ARID2: variants seen among roughly 807,000 people sequenced by gnomAD.
ARID2 encodes the protein AT-rich interaction domain 2.
ARID2 carries 32 observed loss-of-function variants against 184.6 expected under a neutral mutation model. The ratio of observed to expected loss-of-function variants is 0.17; its 90% CI spans 0.13 to 0.23. The LOEUF (loss-of-function observed/expected upper bound fraction) is 0.23, where lower values mean the gene tolerates loss of function less well. Among genes scored for constraint, ARID2 ranks in the 10% least tolerant of loss-of-function variants. The pLI is 1.00. For synonymous variants in ARID2, 836 were observed against 772.6 expected (o/e 1.08, Z -1.36); for missense variants, 1,696 against 2,197.6 (o/e 0.77, Z 4.56).
intron 20 of ARID2, among the ~76,000 whole-genome samples, chr12:45,899,661 A>ATATATGGT (rs1944423691): frequency 1.2e-5 from 1 of 84,164 alleles, no homozygotes; most frequent in Non-Finnish European, 2.6e-5. Context: ...GGTTATATAT[A>ATATATGGT]TATATATGGT....
intron 6 of ARID2, among the ~76,000 whole-genome samples, chr12:45,830,452 A>G (rs939870608): frequency 9.2e-5 from 14 of 152,072 alleles, no homozygotes; most frequent in Non-Finnish European, 1.3e-4. Context: ...ACCCAAAACT[A>G]CGGTAGAGAC....
chr12:45,772,954 T>C (rs1941904798), intron 3 of ARID2, among the ~76,000 whole-genome samples: 1 of 152,170 alleles, frequency 6.6e-6, no homozygotes, highest in South Asian at 2.1e-4. Flanking sequence ...AGTAGCAGAA[T>C]ATGGATTTTT....
Position 45,851,764 on chromosome 12 carries a change from T to G in ARID2, c.3641T>G (p.Val1214Gly), listed in dbSNP as rs1943554658. 1.2e-6 allele frequency: 2 copies of G among 1,613,952 alleles called. No individual in the cohort carries two copies. Among genetic ancestry groups the G allele is most frequent in the Non-Finnish European group, 8.5e-7 (1 of 1,180,004 alleles). Reference sequence around the variant, plus strand: ...ACGCAGACAGGAGTTGGACTTCCAGTACAAACGCTTCCAGCCACTCAAGCA... The same window carrying G: ...ACGCAGACAGGAGTTGGACTTCCAGGACAAACGCTTCCAGCCACTCAAGCA... ...SGTQTGVGLP[V>G]QTLPATQASP... The change falls in exon 15 of 21, where the codon GTA becomes GGA. Residue 1214 changes from valine (V) to glycine (G), a missense_variant. Physicochemically the swap from Val to Gly is moderately radical, Grantham distance 109. Coordinates refer to ENST00000334344, the MANE Select transcript of ARID2 (RefSeq NM_152641.4).
Position 45,852,708 on chromosome 12 carries a change from G to A in ARID2, c.4585G>A (p.Gly1529Arg), listed in dbSNP as rs200040222. The A allele has an allele frequency of 3.0e-4, 483 of 1,614,058 alleles. 1 individual carries two copies. Among genetic ancestry groups the A allele is most frequent in the Non-Finnish European group, 3.4e-4 (404 of 1,180,020 alleles). Residue 1529 changes from glycine (G) to arginine (R), a missense_variant, in exon 15 of 21, where the codon GGA becomes AGA. Gly to Arg is a moderately radical substitution (Grantham distance 125, BLOSUM62 -2). This residue lies in a region of ARID2 where 111 missense variants were observed against 154.0 expected (regional missense o/e 0.72). Coordinates refer to ENST00000334344, the MANE Select transcript of ARID2 (RefSeq NM_152641.4). The stretch of plus-strand genomic sequence containing the variant: ...GGATACTGATAGGGAAACAGTCGCA[G>A]GAATTCCAAATAAAGTAGGAGTTAG... ...AEDTDRETVA[G>R]IPNKVGVRIV...
chr12:45,748,631 A>G (rs1941403475), intron 3 of ARID2, among the ~76,000 whole-genome samples: 1 of 152,164 alleles, frequency 6.6e-6, no homozygotes, highest in African/African-American at 2.4e-5. Context: ...GTAGCATGTA[A>G]TGCTGTTTGG....
intron 16 of ARID2, among the ~76,000 whole-genome samples, chr12:45,866,066 G>A (rs760388105): frequency 6.6e-6 from 1 of 151,838 alleles, no homozygotes; most frequent in Non-Finnish European, 1.5e-5. Context: ...TACATGAAAA[G>A]TATACATGTA....
chr12:45,864,495 A>AT (rs1312739010), intron 16 of ARID2, among the ~76,000 whole-genome samples: 3 of 144,172 alleles, frequency 2.1e-5, no homozygotes, highest in South Asian at 2.2e-4. Flanking sequence ...ATCCCTCTTA[A>AT]TTTTTTTTTC....
chr12:45,743,884 G>T (rs1440653778), intron 3 of ARID2, among the ~76,000 whole-genome samples: 1 of 151,902 alleles, frequency 6.6e-6, no homozygotes, highest in Admixed American at 6.6e-5. Context: ...TGAAAATGTG[G>T]TTTTCTGTTT....
chr12:45,755,907 A>G (rs1380533044), intron 3 of ARID2: 1 of 168,324 alleles, frequency 5.9e-6, no homozygotes, highest in East Asian at 1.9e-4. Flanking sequence ...TCTTTAGAAT[A>G]CTTTTTGTTT....
chr12:45,733,376 A>T (rs1040058577), intron 3 of ARID2, among the ~76,000 whole-genome samples: 1 of 152,226 alleles, frequency 6.6e-6, no homozygotes, highest in African/African-American at 2.4e-5. Flanking sequence ...ATGCCAAGTA[A>T]CAGCAATTCT....
chr12:45,792,745 T>C (rs1283035401), intron 3 of ARID2, among the ~76,000 whole-genome samples: 1 of 152,168 alleles, frequency 6.6e-6, no homozygotes. Context: ...TCCTGGTCAA[T>C]TGAATGTTTT....
chr12:45,892,200 G>C (rs1944310429), intron 18 of ARID2, 104 bp downstream of exon 18: 2 of 1,121,772 alleles, frequency 1.8e-6, no homozygotes, highest in Admixed American at 2.7e-5. Flanking sequence ...AGAAACCTGG[G>C]TTCTAGTCCA....
chr12:45,818,987 C>T (rs1459711391), intron 5 of ARID2, among the ~76,000 whole-genome samples: 1 of 152,078 alleles, frequency 6.6e-6, no homozygotes, highest in Non-Finnish European at 1.5e-5. Context: ...GATGGCTTTT[C>T]ACATCACTTT....
rs150289482 is a variant in ARID2, at chr12:45,892,479, CAT to C, written c.5147+397_5147+398del. On this transcript the variant is annotated intron_variant, in intron 18 of 20. Transcript: ENST00000334344. The stretch of plus-strand genomic sequence containing the variant: ...AAGAGATTTCATATCTTGTCATTAT[CAT>C]ATATATATATATACACACACATATA... Among the ~76,000 whole-genome samples, 498 of 150,358 alleles carry C rather than the reference CAT, an allele frequency of 3.3e-3. 2 individuals carry two copies. The highest frequency in any genetic ancestry group is 5.8e-3 in the Non-Finnish European group (390 of 67,514).
Position 45,803,384 on chromosome 12 carries a change from A to G in ARID2, c.285-8034A>G, listed in dbSNP as rs76611559. 1.8e-3 allele frequency among the ~76,000 whole-genome samples: 267 copies of G among 152,304 alleles called. 1 individual carries two copies. The highest frequency in any genetic ancestry group is 5.9e-3 in the African/African-American group (246 of 41,564). On this transcript the variant is annotated intron_variant, in intron 3 of 20. Coordinates refer to ENST00000334344, the MANE Select transcript of ARID2 (RefSeq NM_152641.4). Reference sequence around the variant, plus strand: ...ATTTAGCCACTTTTATCATGAGAAAATGAAAACATTTGTCTTCAGTGATAC... The same window carrying G: ...ATTTAGCCACTTTTATCATGAGAAAGTGAAAACATTTGTCTTCAGTGATAC...
At chr12:45,884,419 A>C (rs965059984) in intron 16 of ARID2, among the ~76,000 whole-genome samples, 2 of 151,468 alleles carry the variant, frequency 1.3e-5, no homozygotes, top group Non-Finnish European at 3.0e-5. Context: ...AACAAACAAA[A>C]CATTGTTATA....
intron 16 of ARID2, among the ~76,000 whole-genome samples, chr12:45,885,910 A>C (rs964729031): frequency 2.6e-5 from 4 of 152,170 alleles, no homozygotes; most frequent in African/African-American, 9.7e-5. Context: ...CTACAATTCA[A>C]GGTGAGATTT....
chr12:45,769,811 A>G (rs1042398976), intron 3 of ARID2, among the ~76,000 whole-genome samples: 1 of 152,226 alleles, frequency 6.6e-6, no homozygotes, highest in Non-Finnish European at 1.5e-5. Context: ...GTCATCACTT[A>G]CAAGTGAACC....
At chr12:45,801,930 A>C (rs1051844705) in intron 3 of ARID2, among the ~76,000 whole-genome samples, 1 of 152,214 alleles carries the variant, frequency 6.6e-6, no homozygotes, top group Non-Finnish European at 1.5e-5. Context: ...TAAAGTATGA[A>C]TCTGTATCAG....
Sources: gnomAD v4.1 joint callset for allele counts (sites outside exome capture counted in the v4.1 genomes callset) on GRCh38, gnomAD v4.1.1 for gene constraint, gnomAD v4.1.1 regional missense constraint, MANE v1.5 for transcripts, NCBI Gene and HGNC (gene_info 2026-07-23, HGNC 2026-07-21) for gene names.